The following ZNF444 variants were observed in gnomAD, a reference collection of about 807,000 sequenced individuals.
ZNF444 encodes the protein zinc finger protein 444.
In ZNF444, 8 loss-of-function variants were observed where a neutral mutation model predicts 14.4. That is an observed-to-expected ratio of 0.56 (90% CI 0.33 to 1.00). The LOEUF is 1.00. ZNF444 is among the 50% of genes least tolerant of loss of function. The pLI is 0.03. For synonymous variants in ZNF444, 258 were observed against 235.9 expected (o/e 1.09, Z -0.86); for missense variants, 510 against 504.8 (o/e 1.01, Z -0.10).
At chr19:56,132,786 G>C (rs665082) in intron 1 of ZNF444, 141,854 of 152,152 alleles carry the variant, frequency 0.93, 66,764 homozygotes, top group Non-Finnish European at 0.99. Context: ...AGGGTAAGGT[G>C]AGCTTGACTC....
intron 3 of ZNF444, chr19:56,157,017 G>A (rs1363558338): frequency 6.6e-6 from 1 of 152,296 alleles, no homozygotes; most frequent in African/African-American, 2.4e-5. Context: ...TCTCAGGTGT[G>A]TCAACCCCGG....
Position 56,147,588 on chromosome 19 carries a change from C to T in ZNF444, c.297+380C>T, listed in dbSNP as rs191269559. On this transcript the variant is annotated intron_variant, in intron 3 of 4. Coordinates refer to ENST00000337080, the MANE Select transcript of ZNF444 (RefSeq NM_018337.4). This position sits in a 1 kb window ranked among gnomAD's most constrained non-coding sequence, Gnocchi z 5.9. Reference sequence around the variant, plus strand: ...CCCCGCCCGCACGCAGGGGGTCTTGCCGGCCAGGAATTCTCCTCAGACCGT... The same window carrying T: ...CCCCGCCCGCACGCAGGGGGTCTTGTCGGCCAGGAATTCTCCTCAGACCGT... Among the ~76,000 whole-genome samples, 16 of 152,260 alleles carry T rather than the reference C, an allele frequency of 1.1e-4. No homozygotes were observed. Among genetic ancestry groups the T allele is most frequent in the African/African-American group, 3.4e-4 (14 of 41,550 alleles).
chr19:56,156,026 C>T (rs1020717995), intron 3 of ZNF444: 3 of 152,234 alleles, frequency 2.0e-5, no homozygotes, highest in African/African-American at 7.2e-5. Context: ...CTCCCACAGC[C>T]CTTCCTCTGG....
In ZNF444 at chr19:56,144,909, C is replaced by T. The variant is rs975056962; in HGVS notation, c.-196-1338C>T. On this transcript the variant is annotated intron_variant, in intron 1 of 4. Transcript: ENST00000337080. The surrounding 1 kb of genome is among the most constrained non-coding windows in gnomAD (Gnocchi z 4.0). ...TCAGGGTCCCTTCTGTCTTGATCTTCCAGTGTCCTTGAGGTCAGGGGCCGG... is the reference window on the plus strand; with the variant it reads ...TCAGGGTCCCTTCTGTCTTGATCTTTCAGTGTCCTTGAGGTCAGGGGCCGG... 3.3e-5 allele frequency among the ~76,000 whole-genome samples: 5 copies of T among 152,236 alleles called. No homozygotes were observed. Among genetic ancestry groups the T allele is most frequent in the African/African-American group, 1.2e-4 (5 of 41,474 alleles).
intron 1 of ZNF444, 110 bp from the exon 2 acceptor site, chr19:56,146,137 A>T (rs1461113228): frequency 6.6e-6 from 1 of 152,308 alleles, no homozygotes; most frequent in African/African-American, 2.4e-5. Context: ...GTCTGCTCCC[A>T]GGGTGTGGGG....
At chr19:56,133,958 T>C (rs12983086) in intron 1 of ZNF444, among the ~76,000 whole-genome samples, 109,748 of 152,022 alleles carry the variant, frequency 0.72, 43,574 homozygotes, top group South Asian at 0.93. Context: ...ACGTTTCCTG[T>C]TGCCTGGGAA....
rs748137211 is a variant in ZNF444 at position 56,159,723 on chromosome 19, T to C, written c.506T>C (p.Leu169Pro). The C allele has an allele frequency of 1.7e-5, 26 of 1,568,118 alleles. No individual in the cohort carries two copies. Among genetic ancestry groups the C allele is most frequent in the Non-Finnish European group, 2.1e-5 (24 of 1,161,620 alleles). ...EPSSPPLAPG[L>P]PAFLAAPGTT... Reference sequence around the variant, plus strand: ...AGCAGCCCCCCGCTGGCGCCTGGCCTGCCCGCCTTCCTAGCGGCCCCGGGC... The same window carrying C: ...AGCAGCCCCCCGCTGGCGCCTGGCCCGCCCGCCTTCCTAGCGGCCCCGGGC... The change falls in exon 5 of 5, where the codon CTG becomes CCG. Residue 169 changes from leucine to proline, a missense_variant. Physicochemically the swap from Leu to Pro is moderately conservative, Grantham distance 98. Transcript: ENST00000337080.
intron 3 of ZNF444, chr19:56,155,044 C>G (rs2031821665): frequency 6.6e-6 from 1 of 152,228 alleles, no homozygotes; most frequent in East Asian, 1.9e-4. Context: ...ATTTTGGAAT[C>G]TCGATTCCTG....
At chr19:56,153,298 G>A (rs1032314898) in intron 3 of ZNF444, among the ~76,000 whole-genome samples, 2 of 152,192 alleles carry the variant, frequency 1.3e-5, no homozygotes, top group Non-Finnish European at 2.9e-5. Flanking sequence ...TTTATGGTAT[G>A]TCTAGCCCCA....
At chr19:56,133,749 C>T (rs1287701042) in intron 1 of ZNF444, among the ~76,000 whole-genome samples, 5 of 147,488 alleles carry the variant, frequency 3.4e-5, no homozygotes, top group African/African-American at 1.3e-4. Context: ...GAAGGCGGAG[C>T]TTGCAGTGAG....
intron 3 of ZNF444, among the ~76,000 whole-genome samples, chr19:56,148,676 G>A (rs980574505): frequency 6.6e-6 from 1 of 151,978 alleles, no homozygotes; most frequent in Non-Finnish European, 1.5e-5. Context: ...CTCTATCCTC[G>A]CCCTCCTTCC....
intron 3 of ZNF444, 91 bp from the exon 4 acceptor site, chr19:56,158,403 G>C: frequency 1.6e-6 from 2 of 1,216,306 alleles, no homozygotes; most frequent in South Asian, 3.1e-5. Flanking sequence ...AGCAGGGATG[G>C]GATTGCACAG....
Position 56,159,899 on chromosome 19 carries a change from A to G in ZNF444, c.682A>G (p.Thr228Ala). Residue 228 changes from threonine (T) to alanine (A), a missense_variant, in exon 5 of 5, where the codon ACG becomes GCG. By Grantham distance (58) the Thr-to-Ala change is moderately conservative (BLOSUM62 0). Transcript: ENST00000337080. ...RKEHLRRHRD[T>A]HPGSPGSPGP... is the part of the protein sequence containing the mutation. ...GGAGCACCTGCGGCGCCACCGCGACACGCACCCCGGCAGCCCCGGCAGCCC... is the reference window on the plus strand; with the variant it reads ...GGAGCACCTGCGGCGCCACCGCGACGCGCACCCCGGCAGCCCCGGCAGCCC... The G allele has an allele frequency of 1.3e-6, 2 of 1,518,382 alleles. No homozygotes were observed. The highest frequency in any genetic ancestry group is 1.8e-6 in the Non-Finnish European group (2 of 1,139,464). 94.1% of individuals were successfully genotyped at this position (1,518,382 alleles called of 1,614,324 possible).
rs7255654 is a variant in ZNF444 at position 56,158,367 on chromosome 19, G to A, written c.298-127G>A. 5.9e-3 allele frequency: 5,115 copies of A among 874,100 alleles called. 180 individuals carry two copies. In the African/African-American group the frequency reaches 0.08, roughly 14 times the overall value. 54.1% of individuals were successfully genotyped at this position (874,100 alleles called of 1,614,324 possible). On this transcript the variant is annotated intron_variant, in intron 3 of 4. Coordinates refer to ENST00000337080, the MANE Select transcript of ZNF444 (RefSeq NM_018337.4). ...CTCTCTGTGGGGCAGCTTCAGTGTC[G>A]CCCAGCATGACTGTGGCTTCCTCCC...
chr19:56,150,625 C>G (rs921770463), intron 3 of ZNF444: 6 of 453,484 alleles, frequency 1.3e-5, no homozygotes, highest in African/African-American at 1.2e-4. Context: ...AGCAATGATA[C>G]AACATGGTCT....
At chr19:56,134,166 C>G (rs2030559722) in intron 1 of ZNF444, among the ~76,000 whole-genome samples, 1 of 152,134 alleles carries the variant, frequency 6.6e-6, no homozygotes, top group South Asian at 2.1e-4. Flanking sequence ...AGAGATGAAC[C>G]AAACCCCATC....
intron 1 of ZNF444, among the ~76,000 whole-genome samples, chr19:56,135,936 G>A (rs536067509): frequency 4.6e-5 from 7 of 151,640 alleles, no homozygotes; most frequent in Non-Finnish European, 1.0e-4. Context: ...AAAAATATTA[G>A]CCGGGTGTGG....
In ZNF444 at chr19:56,159,738, C is replaced by A; in HGVS notation, c.521C>A (p.Ala174Glu). Reference sequence around the variant, plus strand: ...GCGCCTGGCCTGCCCGCCTTCCTAGCGGCCCCGGGCACCACGTCCTGCCCC... The same window carrying A: ...GCGCCTGGCCTGCCCGCCTTCCTAGAGGCCCCGGGCACCACGTCCTGCCCC... Reference protein sequence around the residue: ...PLAPGLPAFLAAPGTTSCPEC... With the variant: ...PLAPGLPAFLEAPGTTSCPEC... The change falls in exon 5 of 5, where the codon GCG becomes GAG. Residue 174 changes from alanine to glutamate, a missense_variant. Ala to Glu is a moderately radical substitution (Grantham distance 107). Transcript: ENST00000337080. 6 of 1,581,970 alleles carry A rather than the reference C, an allele frequency of 3.8e-6. No homozygotes were observed. Among genetic ancestry groups the A allele is most frequent in the Non-Finnish European group, 4.3e-6 (5 of 1,168,244 alleles).
Position 56,146,915 on chromosome 19 carries a change from G to T in ZNF444, c.4G>T (p.Glu2Ter). The T allele has an allele frequency of 7.0e-7, 1 of 1,428,812 alleles. No individual in the cohort carries two copies. The highest frequency in any genetic ancestry group is 9.1e-7 in the Non-Finnish European group (1 of 1,101,038). 88.5% of individuals were successfully genotyped at this position (1,428,812 alleles called of 1,614,324 possible). The change falls in exon 3 of 5, where the codon GAG becomes TAG. Residue 2 changes from glutamate (E) to a stop codon, truncating the protein, a stop_gained. Coordinates refer to ENST00000337080, the MANE Select transcript of ZNF444 (RefSeq NM_018337.4). LOFTEE classifies it high-confidence loss of function. ...GCGCTGCGGTCCGGGAGGCCCCATG[G>T]AGGTGGCGGTGCCCGTGAAGCAGGA... M[E>*]VAVPVKQEAE...
Sources: allele counts gnomAD v4.1 joint callset (sites outside exome capture counted in the v4.1 genomes callset), GRCh38; gene constraint gnomAD v4.1.1; non-coding constraint Gnocchi (gnomAD v3.1); transcripts MANE v1.5; gene names NCBI Gene and HGNC (gene_info 2026-07-23, HGNC 2026-07-21).